LRTM1: variants seen among roughly 807,000 people sequenced by gnomAD.
LRTM1 encodes the protein leucine-rich repeat and transmembrane domain-containing protein 1.
Under a neutral mutation model 32.4 loss-of-function variants are expected in LRTM1, and 38 were observed. That is an observed-to-expected ratio of 1.17 (90% CI 0.91 to 1.54). The LOEUF (loss-of-function observed/expected upper bound fraction) is 1.54. LRTM1 is among the 40% of genes most tolerant of loss of function. The pLI, the probability that LRTM1 is intolerant of heterozygous loss-of-function variation, is 0.00. For synonymous variants in LRTM1, 186 were observed against 169.9 expected, an observed-to-expected ratio of 1.09 and a Z score of -0.74; for missense variants, 466 against 415.4, an observed-to-expected ratio of 1.12 and a Z score of -1.06.
chr3:54,928,068 C>T (rs568098017), upstream of LRTM1: 5 of 682,796 alleles, frequency 7.3e-6, no homozygotes, highest in Non-Finnish European at 1.0e-5. Flanking sequence ...ACAGTTGTTG[C>T]TTTCAAAAGA....
intron 1 of LRTM1, among the ~76,000 whole-genome samples, chr3:54,948,699 A>C (rs1471446828): frequency 1.3e-5 from 2 of 152,212 alleles, no homozygotes; most frequent in African/African-American, 2.4e-5. Context: ...TTTGCCTTTC[A>C]TGCCCATGCT....
At chr3:54,940,279 A>G (rs549464139) in intron 1 of LRTM1, among the ~76,000 whole-genome samples, 6 of 152,230 alleles carry the variant, frequency 3.9e-5, no homozygotes, top group Admixed American at 6.5e-5. Flanking sequence ...TGAGAAAGGA[A>G]GATTTTTGAG....
intron 1 of LRTM1, among the ~76,000 whole-genome samples, chr3:54,939,618 T>G (rs866805234): frequency 1.3e-5 from 2 of 152,106 alleles, no homozygotes; most frequent in Non-Finnish European, 2.9e-5. Context: ...GTGCAGAGAG[T>G]TAGCAATAAC....
At chr3:54,960,695 C>T (rs1702011276) in intron 1 of LRTM1, among the ~76,000 whole-genome samples, 1 of 152,214 alleles carries the variant, frequency 6.6e-6, no homozygotes, top group African/African-American at 2.4e-5. Context: ...CCTTCCCTTC[C>T]TTCCCCCTCA....
chr3:54,959,436 G>T (rs966369682), intron 1 of LRTM1, among the ~76,000 whole-genome samples: 1 of 152,188 alleles, frequency 6.6e-6, no homozygotes, highest in African/African-American at 2.4e-5. Flanking sequence ...GACTGCCCAC[G>T]TGGAGATTTT....
intron 2 of LRTM1, among the ~76,000 whole-genome samples, chr3:54,919,350 T>C (rs1700768940): frequency 6.6e-6 from 1 of 152,252 alleles, no homozygotes; most frequent in Non-Finnish European, 1.5e-5. Context: ...GTTATGTGTT[T>C]ATTACAAAGA....
chr3:54,959,849 C>T (rs1427524897), intron 1 of LRTM1, among the ~76,000 whole-genome samples: 1 of 152,136 alleles, frequency 6.6e-6, no homozygotes, highest in African/African-American at 2.4e-5. Flanking sequence ...CTAGCTCCGG[C>T]AGCCTGGGAA....
chr3:54,954,521 CG>C (rs1429985201), intron 1 of LRTM1, among the ~76,000 whole-genome samples: 1 of 152,240 alleles, frequency 6.6e-6, no homozygotes, highest in East Asian at 1.9e-4. Flanking sequence ...ATCTTTCTGT[CG>C]GGGTCTACCA....
At chr3:54,950,349 T>C (rs1701727970) in intron 1 of LRTM1, among the ~76,000 whole-genome samples, 1 of 152,182 alleles carries the variant, frequency 6.6e-6, no homozygotes, top group African/African-American at 2.4e-5. Context: ...CAAAGGCCCC[T>C]TTTAATCTGC....
chr3:54,925,192 C>T lies in LRTM1; in HGVS notation c.31G>A (p.Val11Met). The T allele has an allele frequency of 1.9e-6, 3 of 1,612,362 alleles. No homozygotes were observed. The highest frequency in any genetic ancestry group is 2.5e-6 in the Non-Finnish European group (3 of 1,178,614). Reference protein sequence around the residue: MKGELLLFSSVIVLLQVVCSC... With the variant: MKGELLLFSSMIVLLQVVCSC... ...CATACCACCTGGAGCAGGACAATCACACTGGAAAACAGGAGCAGTTCACCT... is the reference window on the plus strand; with the variant it reads ...CATACCACCTGGAGCAGGACAATCATACTGGAAAACAGGAGCAGTTCACCT... Residue 11 changes from valine to methionine, a missense_variant, in exon 2 of 3, where the codon GTG becomes ATG. Val to Met is a conservative substitution (Grantham distance 21). Transcript: ENST00000273286.
At chr3:54,919,002 T>G (rs1205092242) in intron 2 of LRTM1, 110 bp from the exon 3 acceptor site, 4 of 876,082 alleles carry the variant, frequency 4.6e-6, no homozygotes, top group Admixed American at 3.6e-5. Context: ...TACCTTTTTT[T>G]TTTTTAAATC....
At chr3:54,944,019 G>T (rs1221976877) in intron 1 of LRTM1, among the ~76,000 whole-genome samples, 2 of 152,154 alleles carry the variant, frequency 1.3e-5, no homozygotes, top group African/African-American at 4.8e-5. Flanking sequence ...ACTGGCCATA[G>T]AATACCTGGC....
rs186908862 is a variant in LRTM1 at position 54,948,274 on chromosome 3, G to C, written c.-222+18654C>G. On this transcript the variant is annotated intron_variant, in intron 1 of 2. Transcript: ENST00000493075. ...AGGTCCATTCCAGGTGACCTCTTGAGAGCCCATCCAGATGAGTAATTCTCT... is the reference window on the plus strand; with the variant it reads ...AGGTCCATTCCAGGTGACCTCTTGACAGCCCATCCAGATGAGTAATTCTCT... Among the ~76,000 whole-genome samples the C allele has an allele frequency of 2.0e-3, 297 of 152,278 alleles. 2 individuals are homozygous for C. Among genetic ancestry groups the C allele is most frequent in the Non-Finnish European group, 5.0e-4 (34 of 68,022 alleles).
chr3:54,924,468 CTT>C, intron 2 of LRTM1, 149 bp downstream of exon 2: 4 of 648,300 alleles, frequency 6.2e-6, no homozygotes, highest in Admixed American at 5.1e-5. Flanking sequence ...TCACTTGACT[CTT>C]TTGCCATACC....
upstream of LRTM1, among the ~76,000 whole-genome samples, chr3:54,932,980 C>CG (rs537139309): frequency 2.6e-4 from 40 of 152,252 alleles, 1 homozygote; most frequent in South Asian, 7.7e-3. Context: ...GATGACCAAA[C>CG]GGCACCCAGG....
chr3:54,935,879 T>C (rs751889730), intron 1 of LRTM1, among the ~76,000 whole-genome samples: 2 of 152,220 alleles, frequency 1.3e-5, no homozygotes, highest in Non-Finnish European at 2.9e-5. Context: ...AAACAGTTAG[T>C]CTTAAGCAGG....
At chr3:54,961,046 T>C (rs1430367769) in intron 1 of LRTM1, among the ~76,000 whole-genome samples, 4 of 152,234 alleles carry the variant, frequency 2.6e-5, no homozygotes, top group African/African-American at 9.6e-5. Context: ...TTAGTTCTAC[T>C]TGCAGTTAAC....
At chr3:54,942,764 C>T (rs1308075494) in intron 1 of LRTM1, among the ~76,000 whole-genome samples, 3 of 152,058 alleles carry the variant, frequency 2.0e-5, no homozygotes, top group African/African-American at 4.8e-5. Context: ...GTGGCTCACA[C>T]CTGTAATCCC....
intron 1 of LRTM1, among the ~76,000 whole-genome samples, chr3:54,952,962 C>T (rs760526809): frequency 1.6e-4 from 24 of 152,124 alleles, no homozygotes; most frequent in Non-Finnish European, 2.8e-4. Flanking sequence ...GCCTAATGTT[C>T]CTGAAGGTGA....
Sources: gnomAD v4.1 joint callset for allele counts (sites outside exome capture counted in the v4.1 genomes callset) on GRCh38, gnomAD v4.1.1 for gene constraint, MANE v1.5 for transcripts, NCBI Gene and HGNC (gene_info 2026-07-23, HGNC 2026-07-21) for gene names.